Variants in ACAT1 observed in about 807,000 individuals in gnomAD.
ACAT1 encodes acetyl-CoA acetyltransferase 1.
ACAT1 carries 28 observed loss-of-function variants against 47.3 expected under a neutral mutation model. That is an observed-to-expected ratio of 0.59 (90% CI 0.44 to 0.81). The LOEUF (loss-of-function observed/expected upper bound fraction) is 0.81. ACAT1 is among the 30% of genes least tolerant of loss of function. ACAT1 has a pLI of 0.00. For synonymous variants in ACAT1, 181 were observed against 173.6 expected, an observed-to-expected ratio of 1.04 and a Z score of -0.34; for missense variants, 469 against 524.3, an observed-to-expected ratio of 0.89 and a Z score of 1.03.
At chr11:108,142,609 G>A in intron 9 of ACAT1, 59 bp downstream of exon 9, 1 of 1,390,536 alleles carries the variant, frequency 7.2e-7, no homozygotes, top group Non-Finnish European at 1.0e-6. Context: ...GGTTGAGGTG[G>A]GAGGATTGCT....
intron 10 of ACAT1, among the ~76,000 whole-genome samples, chr11:108,145,168 C>T (rs555162895): frequency 2.0e-5 from 3 of 152,218 alleles, no homozygotes; most frequent in South Asian, 2.1e-4. Context: ...TAATCACTGG[C>T]ACAAATACAC....
chr11:108,134,075 T>C lies in ACAT1; in HGVS notation c.238+138T>C. The C allele has an allele frequency of 4.3e-6, 5 of 1,152,222 alleles. No individual in the cohort carries two copies. The South Asian group carries it at 6.5e-5, about 15-fold the overall frequency. 71.4% of individuals were successfully genotyped at this position (1,152,222 alleles called of 1,614,324 possible). ...TTCTGCTTTCCCTTGTAAAGAAGTC[T>C]TTGTACTATACAGTTTAGATTGAAA... On this transcript the variant is annotated intron_variant, in intron 3 of 11. Coordinates refer to ENST00000265838, the MANE Select transcript of ACAT1 (RefSeq NM_000019.4).
chr11:108,142,620 T>G, intron 9 of ACAT1, 70 bp downstream of exon 9: 1 of 1,303,588 alleles, frequency 7.7e-7, no homozygotes, highest in Non-Finnish European at 1.1e-6. Flanking sequence ...GAGGATTGCT[T>G]GAGCCCCGGA....
chr11:108,145,215 G>C (rs1226964842), intron 10 of ACAT1, among the ~76,000 whole-genome samples: 1 of 152,154 alleles, frequency 6.6e-6, no homozygotes, highest in African/African-American at 2.4e-5. Context: ...AAACAAAACA[G>C]ATCATATAGT....
At chr11:108,146,923 T>C (rs1179855499) in intron 11 of ACAT1, among the ~76,000 whole-genome samples, 1 of 152,174 alleles carries the variant, frequency 6.6e-6, no homozygotes, top group Non-Finnish European at 1.5e-5. Flanking sequence ...CTACTAAAAA[T>C]ACGAAAATTA....
At chr11:108,131,285 TA>T (rs1453024767) in intron 1 of ACAT1, among the ~76,000 whole-genome samples, 1 of 150,456 alleles carries the variant, frequency 6.6e-6, no homozygotes, top group Non-Finnish European at 1.5e-5. Flanking sequence ...ATTCTAAGAC[TA>T]AATAATTTAG....
chr11:108,140,209 G>A lies in ACAT1; in HGVS notation c.724G>A (p.Val242Ile). 6.2e-7 allele frequency: 1 copy of A among 1,614,098 alleles called. No individual in the cohort carries two copies. Among genetic ancestry groups the A allele is most frequent in the Non-Finnish European group, 8.5e-7 (1 of 1,180,000 alleles). The change falls in exon 7 of 12, where the codon GTA becomes ATA. Residue 242 changes from valine (V) to isoleucine (I), a missense_variant. Transcript: ENST00000265838. ...TGAAGTTATTCCTGTCACAGTTACA[G>A]TAAAAGGTAGAGATAATGTTCCAAA... ...GNEVIPVTVT[V>I]KGQPDVVVKE...
chr11:108,142,289 CAT>C, intron 8 of ACAT1, 146 bp from the exon 9 acceptor site: 2 of 703,448 alleles, frequency 2.8e-6, no homozygotes, highest in Non-Finnish European at 2.6e-6. Flanking sequence ...TAGCTGTGTA[CAT>C]GTTTCCTGAG....
chr11:108,121,631 C>T lies in ACAT1; in HGVS notation c.25C>T (p.Arg9Cys). MAVLAALL[R>C]SGARSRSPLL... is the part of the protein sequence containing the mutation. The stretch of plus-strand genomic sequence containing the variant: ...CATGGCTGTGCTGGCGGCACTTCTG[C>T]GCAGCGGCGCCCGCAGCCGCAGCCC... The change falls in exon 1 of 12, where the codon CGC becomes TGC. Residue 9 changes from arginine to cysteine, a missense_variant. Transcript: ENST00000265838. 1 of 1,550,766 alleles carries T rather than the reference C, an allele frequency of 6.4e-7. No homozygotes were observed. Among genetic ancestry groups the T allele is most frequent in the Non-Finnish European group, 8.7e-7 (1 of 1,147,608 alleles).
In ACAT1 at chr11:108,142,465, A is replaced by G; in HGVS notation, c.855A>G (p.Thr285=). Residue 285 remains threonine, a synonymous_variant, in exon 9 of 12, where the codon ACA becomes ACG. Transcript: ENST00000265838. ...NGTVTAANAS[T]LNDGAAALVL... ...CAGTAACAGCTGCCAATGCCAGTAC[A>G]CTGAATGATGGAGCAGCTGCTCTGG... 6.2e-7 allele frequency: 1 copy of G among 1,614,170 alleles called. No individual in the cohort carries two copies. The highest frequency in any genetic ancestry group is 8.5e-7 in the Non-Finnish European group (1 of 1,180,002).
At chr11:108,139,140 C>G (rs1045984025) in intron 6 of ACAT1, 99 bp downstream of exon 6, 60 of 1,464,688 alleles carry the variant, frequency 4.1e-5, no homozygotes, top group Non-Finnish European at 5.4e-5. Flanking sequence ...AAGATGGGCT[C>G]TATAAATGTT....
chr11:108,138,120 C>G (rs1175461734), intron 5 of ACAT1, among the ~76,000 whole-genome samples: 1 of 147,314 alleles, frequency 6.8e-6, no homozygotes, highest in African/African-American at 2.5e-5. Context: ...TCCCGAGTAG[C>G]TGGGACTACA....
upstream of ACAT1, chr11:108,121,412 T>C: frequency 1.5e-6 from 1 of 654,648 alleles, no homozygotes; most frequent in South Asian, 1.8e-5. Context: ...TCGTCAACCT[T>C]TCCTGGCCCA....
At chr11:108,141,369 CAAAAAAAA>C (rs60002941) in intron 7 of ACAT1, among the ~76,000 whole-genome samples, 5 of 69,320 alleles carry the variant, frequency 7.2e-5, no homozygotes, top group Admixed American at 2.0e-4. Context: ...AACCCTGCCT[CAAAAAAAA>C]AAAAAAAAAA....
At chr11:108,132,106 A>G (rs1027532176) in intron 2 of ACAT1, 152 bp downstream of exon 2, 12 of 511,596 alleles carry the variant, frequency 2.3e-5, no homozygotes, top group African/African-American at 1.7e-4. Context: ...CAGTTAAAGT[A>G]GATGACTATA....
At chr11:108,128,917 C>G (rs1270745913) in intron 1 of ACAT1, 1 of 152,126 alleles carries the variant, frequency 6.6e-6, no homozygotes, top group African/African-American at 2.4e-5. Flanking sequence ...CTTTTGGGAA[C>G]AGGTGGTGTT....
At position 108,135,057 on chromosome 11, in the gene ACAT1, T is replaced by C. The variant is rs1488713058; in HGVS notation, c.335-85T>C. On this transcript the variant is annotated intron_variant, in intron 4 of 11. Transcript: ENST00000265838. The stretch of plus-strand genomic sequence containing the variant: ...TGTAGTTATATTGGCAGAAGAAATG[T>C]TGTAGTTTATAGTAACATGCTCTAT... The C allele has an allele frequency of 4.6e-6, 4 of 874,396 alleles. No homozygotes were observed. In the Admixed American group the frequency reaches 7.6e-5, roughly 17 times the overall value. The allele number at this position is 874,396 out of a possible 1,614,324, so 54.2% of individuals were successfully genotyped here. A position where few individuals can be genotyped will look rare whatever the true frequency, so the allele number is the denominator to read the frequency against.
chr11:108,131,984 TC>T, intron 2 of ACAT1, 30 bp downstream of exon 2: 1 of 1,423,106 alleles, frequency 7.0e-7, no homozygotes, highest in Non-Finnish European at 9.9e-7. Flanking sequence ...CTTTAAAATT[TC>T]CAGAATTTAA....
At chr11:108,131,539 A>G (rs1370778491) in intron 1 of ACAT1, among the ~76,000 whole-genome samples, 1 of 151,264 alleles carries the variant, frequency 6.6e-6, no homozygotes, top group Non-Finnish European at 1.5e-5. Flanking sequence ...TTTAGTAGAG[A>G]CTGGGTCTCA....
Sources: gnomAD v4.1 joint callset for allele counts (sites outside exome capture counted in the v4.1 genomes callset) on GRCh38, gnomAD v4.1.1 for gene constraint, MANE v1.5 for transcripts, NCBI Gene and HGNC (gene_info 2026-07-23, HGNC 2026-07-21) for gene names.